The following MIB2 variants were observed in gnomAD, a reference collection of about 807,000 sequenced individuals.
MIB2 encodes the protein MIB E3 ubiquitin protein ligase 2, also known as E3 ubiquitin-protein ligase MIB2.
In MIB2, 78 loss-of-function variants were observed where a neutral mutation model predicts 96.6. That is an observed-to-expected ratio of 0.81 (90% CI 0.67 to 0.97). The LOEUF is 0.97. Among genes scored for constraint, MIB2 ranks in the 50% least tolerant of loss-of-function variants. The pLI, the probability that MIB2 is intolerant of heterozygous loss-of-function variation, is 0.00. For synonymous variants in MIB2, 820 were observed against 629.5 expected, an observed-to-expected ratio of 1.30 and a Z score of -4.53; for missense variants, 1,543 against 1,424.0, an observed-to-expected ratio of 1.08 and a Z score of -1.35.
chr1:1,626,586 G>C lies in MIB2; in HGVS notation c.973-64G>C. ...GTGGAGCTCAGCAGGTTGCCCTCCT[G>C]TTGCATGAGCCTGGGCAGCCACACA... On this transcript the variant is annotated intron_variant, in intron 8 of 19. Transcript: ENST00000355826. This position sits in a 1 kb window ranked among gnomAD's most constrained non-coding sequence, Gnocchi z 5.3. The C allele has an allele frequency of 7.2e-7, 1 of 1,387,784 alleles. No individual in the cohort carries two copies. Among genetic ancestry groups the C allele is most frequent in the Non-Finnish European group, 9.6e-7 (1 of 1,039,402 alleles). The allele number at this position is 1,387,784 out of a possible 1,614,324, so 86.0% of individuals were successfully genotyped here.
chr1:1,627,754 G>A lies in MIB2; in HGVS notation c.1605G>A (p.Leu535=). ...TCAACAGCACCCAGAGCACAGCACTGCACGTGGCCGTGCAGAGGGGCTTCC... is the reference window on the plus strand; with the variant it reads ...TCAACAGCACCCAGAGCACAGCACTACACGTGGCCGTGCAGAGGGGCTTCC... ...DAINSTQSTA[L]HVAVQRGFLE... is the part of the protein sequence containing the mutation. The change falls in exon 13 of 20, where the codon CTG becomes CTA. Residue 535 remains leucine (L), a synonymous_variant. Transcript: ENST00000355826. The A allele has an allele frequency of 6.3e-7, 1 of 1,597,208 alleles. No homozygotes were observed. The highest frequency in any genetic ancestry group is 1.3e-5 in the African/African-American group (1 of 74,982).
Position 1,625,148 on chromosome 1 carries a change from G to C in MIB2, c.684G>C (p.Ala228=). The part of the protein sequence containing the change: ...KVDLKCVGEA[A]GGFYYKDHLP... ...ACCTCAAGTGTGTGGGCGAGGCAGC[G>C]GGCGGCTTCTACTACAAGGACCACC... Residue 228 remains alanine, a synonymous_variant, in exon 6 of 20, where the codon GCG becomes GCC. Transcript: ENST00000355826. The surrounding 1 kb of genome is among the most constrained non-coding windows in gnomAD (Gnocchi z 5.0). The C allele has an allele frequency of 6.2e-7, 1 of 1,612,610 alleles. No homozygotes were observed. Among genetic ancestry groups the C allele is most frequent in the Middle Eastern group, 1.7e-4 (1 of 6,060 alleles).
Position 1,624,878 on chromosome 1 carries a change from A to G in MIB2, c.503A>G (p.Asp168Gly). The change falls in exon 5 of 20, where the codon GAC (aspartate) becomes GGC (glycine). Residue 168 changes from aspartate to glycine, a missense_variant. Asp to Gly is a moderately conservative substitution (Grantham distance 94, BLOSUM62 -1). Transcript: ENST00000355826. ...GGAGCGAAGGTGGTGCGAGGCCCCG[A>G]CTGGGAGTGGGGCTCACAGGATGGT... ...FQGAKVVRGP[D>G]WEWGSQDGGE... 1 of 1,612,994 alleles carries G rather than the reference A, an allele frequency of 6.2e-7. No homozygotes were observed. The highest frequency in any genetic ancestry group is 1.1e-5 in the South Asian group (1 of 91,074).
At position 1,629,245 on chromosome 1, in the gene MIB2, G is replaced by A; in HGVS notation, c.2315G>A (p.Ser772Asn). The A allele has an allele frequency of 6.5e-7, 1 of 1,546,672 alleles. No individual in the cohort carries two copies. The highest frequency in any genetic ancestry group is 1.2e-5 in the South Asian group (1 of 84,394). Residue 772 changes from serine to asparagine, a missense_variant, in exon 17 of 20, where the codon AGC (serine) becomes AAC (asparagine). By Grantham distance (46) the Ser-to-Asn change is conservative. Transcript: ENST00000355826. ...DVSYTNHRGR[S>N]PLDLAAEGRV... ...AGCTACACCAACCACCGCGGTCGGA[G>A]CCCGCTGGACCTGGCCGCCGAGGGT... is the stretch of plus-strand genomic sequence containing the variant.
chr1:1,614,067 A>G (rs1305978389), upstream of MIB2: 1 of 152,250 alleles, frequency 6.6e-6, no homozygotes, highest in Non-Finnish European at 1.5e-5. Context: ...TCAAAAGAAA[A>G]AAAAAGATTG....
At position 1,624,971 on chromosome 1, in the gene MIB2, G is replaced by A; in HGVS notation, c.527-20G>A. On this transcript the variant is annotated intron_variant, in intron 5 of 19. Transcript: ENST00000355826. ...GCTCATGGCTCAGCCTTAGCCTGCT[G>A]GGGGGGCCTCTTTCCCCAGGAGGGG... The A allele has an allele frequency of 6.2e-7, 1 of 1,607,470 alleles. No homozygotes were observed. Among genetic ancestry groups the A allele is most frequent in the East Asian group, 2.2e-5 (1 of 44,776 alleles).
intron 2 of MIB2, among the ~76,000 whole-genome samples, chr1:1,619,944 T>G (rs1644101525): frequency 6.6e-6 from 1 of 152,202 alleles, no homozygotes; most frequent in Non-Finnish European, 1.5e-5. Flanking sequence ...GGTGCCAGTC[T>G]GGGGCACAGG....
intron 2 of MIB2, chr1:1,616,956 G>A: frequency 7.4e-6 from 2 of 269,820 alleles, no homozygotes; most frequent in Non-Finnish European, 1.4e-5. Context: ...GCGCTCTCCT[G>A]GCCGAGGGCA....
In MIB2 at chr1:1,625,573, C is replaced by T. The variant is rs764099929; in HGVS notation, c.892C>T (p.Arg298Cys). 75 of 1,584,954 alleles carry T rather than the reference C, an allele frequency of 4.7e-5. No individual in the cohort carries two copies. Among genetic ancestry groups the T allele is most frequent in the Non-Finnish European group, 5.8e-5 (68 of 1,166,292 alleles). ...TATCGGACAGACGGGCACCGTGCAT[C>T]GTATCACGGACCGCGGGGACGTGCG... ...EFIGQTGTVH[R>C]ITDRGDVRVQ... Residue 298 changes from arginine to cysteine, a missense_variant, in exon 8 of 20, where the codon CGT becomes TGT. Physicochemically the swap from Arg to Cys is radical, Grantham distance 180. Transcript: ENST00000355826. This position sits in a 1 kb window ranked among gnomAD's most constrained non-coding sequence, Gnocchi z 5.0.
At chr1:1,618,796 CT>C (rs1352851387) in intron 2 of MIB2, 1 of 152,366 alleles carries the variant, frequency 6.6e-6, no homozygotes, top group Non-Finnish European at 1.5e-5. Flanking sequence ...CCTCCCGCCC[CT>C]AAGCAGGTGC....
At chr1:1,614,613 T>A (rs533945371), upstream of MIB2, 1 of 152,280 alleles carries the variant, frequency 6.6e-6, no homozygotes. Context: ...GCCTCTGGGT[T>A]TCCTTTCAGG....
At chr1:1,624,948 T>C (rs1455552803) in intron 5 of MIB2, 43 bp from the exon 6 acceptor site, 1 of 1,606,558 alleles carries the variant, frequency 6.2e-7, no homozygotes, top group Non-Finnish European at 8.5e-7. Context: ...TGTGGCTGGC[T>C]CATGGCTCAG....
At chr1:1,623,017 C>T (rs759789041) in intron 2 of MIB2, 1 of 303,116 alleles carries the variant, frequency 3.3e-6, no homozygotes, top group Non-Finnish European at 6.1e-6. Flanking sequence ...GCTCACTTGC[C>T]ACTGCCCGTC....
chr1:1,628,274 G>A lies in MIB2; in HGVS notation c.1843G>A (p.Ala615Thr), dbSNP rs1186074915. 2.5e-6 allele frequency: 4 copies of A among 1,612,966 alleles called. No individual in the cohort carries two copies. The highest frequency in any genetic ancestry group is 1.3e-5 in the African/African-American group (1 of 74,942). ...HHASLKGHAL[A>T]VRKILARARQ... ...CAGACCAACCTCCCTGCTCCACAGAGCTGTGAGAAAGATTCTGGCTCGGGC... is the reference window on the plus strand; with the variant it reads ...CAGACCAACCTCCCTGCTCCACAGAACTGTGAGAAAGATTCTGGCTCGGGC... Residue 615 changes from alanine to threonine, a missense_variant and splice_region_variant, in exon 15 of 20, where the codon GCT becomes ACT. Coordinates refer to ENST00000355826, the MANE Select transcript of MIB2 (RefSeq NM_001170687.4).
chr1:1,626,874 G>C lies in MIB2; in HGVS notation c.1115G>C (p.Gly372Ala). ...GRVGKVVKVF[G>A]DGNLRVAVAG... ...GTCGGGAAGGTGGTGAAAGTGTTTG[G>C]AGACGGGAACCTGCGTGTAGCAGTC... Residue 372 changes from glycine (G) to alanine (A), a missense_variant, in exon 10 of 20, where the codon GGA becomes GCA. Coordinates refer to ENST00000355826, the MANE Select transcript of MIB2 (RefSeq NM_001170687.4). The surrounding 1 kb of genome is among the most constrained non-coding windows in gnomAD (Gnocchi z 5.3). 6.2e-7 allele frequency: 1 copy of C among 1,605,200 alleles called. No individual in the cohort carries two copies.
Position 1,626,896 on chromosome 1 carries a change from A to C in MIB2, c.1137A>C (p.Ala379=). ...TTGGAGACGGGAACCTGCGTGTAGCAGTCGCTGGTCAGCGGTGGACCTTCA... is the reference window on the plus strand; with the variant it reads ...TTGGAGACGGGAACCTGCGTGTAGCCGTCGCTGGTCAGCGGTGGACCTTCA... ...KVFGDGNLRV[A]VAGQRWTFSP... is the part of the protein sequence containing the mutation. The change falls in exon 10 of 20, where the codon GCA becomes GCC. Residue 379 remains alanine (A), a synonymous_variant. Coordinates refer to ENST00000355826, the MANE Select transcript of MIB2 (RefSeq NM_001170687.4). This position sits in a 1 kb window ranked among gnomAD's most constrained non-coding sequence, Gnocchi z 5.3. 1.2e-6 allele frequency: 2 copies of C among 1,607,118 alleles called. No individual in the cohort carries two copies. The highest frequency in any genetic ancestry group is 2.2e-5 in the South Asian group (2 of 90,920).
At position 1,630,303 on chromosome 1, in the gene MIB2, G is replaced by T; in HGVS notation, c.2641G>T (p.Val881Leu). 3.9e-6 allele frequency: 6 copies of T among 1,520,714 alleles called. No individual in the cohort carries two copies. The highest frequency in any genetic ancestry group is 5.3e-6 in the Non-Finnish European group (6 of 1,140,956). 94.2% of individuals were successfully genotyped at this position (1,520,714 alleles called of 1,614,324 possible). ...SKKLRPDGSEVASAAPAPGPP... is the reference protein window; with the variant it reads ...SKKLRPDGSELASAAPAPGPP... ...CCCCCACCCCGCAGACGGCTCTGAGGTGGCGAGCGCCGCCCCCGCCCCCGG... is the reference window on the plus strand; with the variant it reads ...CCCCCACCCCGCAGACGGCTCTGAGTTGGCGAGCGCCGCCCCCGCCCCCGG... The change falls in exon 20 of 20, where the codon GTG (valine) becomes TTG (leucine). Residue 881 changes from valine to leucine, a missense_variant. Physicochemically the swap from Val to Leu is conservative, Grantham distance 32. Transcript: ENST00000355826.
chr1:1,624,270 G>A, intron 4 of MIB2: 3 of 441,906 alleles, frequency 6.8e-6, no homozygotes, highest in Admixed American at 3.9e-5. Context: ...AGCTCGGGGA[G>A]AATCTAGCCT....
upstream of MIB2, chr1:1,615,472 C>G: frequency 1.3e-6 from 2 of 1,520,012 alleles, no homozygotes; most frequent in Non-Finnish European, 1.8e-6. Flanking sequence ...GGCGGGGGCG[C>G]TCCGGCGGGG....
Sources: gnomAD v4.1 joint callset for allele counts (sites outside exome capture counted in the v4.1 genomes callset) on GRCh38, gnomAD v4.1.1 for gene constraint, Gnocchi (gnomAD v3.1) non-coding constraint, MANE v1.5 for transcripts, NCBI Gene and HGNC (gene_info 2026-07-23, HGNC 2026-07-21) for gene names.